Variants in PDZD2 observed in about 807,000 individuals in gnomAD.
PDZD2 encodes the protein PDZ domain-containing protein 2.
Under a neutral mutation model 220.7 loss-of-function variants are expected in PDZD2, and 90 were observed. That is an observed-to-expected ratio of 0.41 (90% CI 0.34 to 0.49). The LOEUF is 0.49. PDZD2 is among the 20% of genes least tolerant of loss of function. The pLI is 0.28. For synonymous variants in PDZD2, 1,375 were observed against 1,450.5 expected, an observed-to-expected ratio of 0.95 and a Z score of 1.18; for missense variants, 3,174 against 3,608.5, an observed-to-expected ratio of 0.88 and a Z score of 3.08.
Position 31,639,234 on chromosome 5 carries a change from G to C in PDZD2, c.-564G>C, listed in dbSNP as rs1166052756. Reference sequence around the variant, plus strand: ...CGCGGCGGGGCGGCGGCTGCAGGCAGCCGAGGAGCCGCAGGCCGAACCCAA... The same window carrying C: ...CGCGGCGGGGCGGCGGCTGCAGGCACCCGAGGAGCCGCAGGCCGAACCCAA... On this transcript the variant is annotated 5_prime_UTR_variant, in exon 1 of 25. Coordinates refer to ENST00000438447, the MANE Select transcript of PDZD2 (RefSeq NM_178140.4). This position sits in a 1 kb window ranked among gnomAD's most constrained non-coding sequence, Gnocchi z 4.1. Among the ~76,000 whole-genome samples the C allele has an allele frequency of 6.6e-6, 1 of 151,414 alleles. No individual in the cohort carries two copies. The highest frequency in any genetic ancestry group is 2.1e-4 in the South Asian group (1 of 4,832).
At chr5:31,900,716 GAGC>G (rs1742017581) in intron 2 of PDZD2, among the ~76,000 whole-genome samples, 2 of 152,094 alleles carry the variant, frequency 1.3e-5, no homozygotes, top group Non-Finnish European at 2.9e-5. Flanking sequence ...AAAAATATGC[GAGC>G]CTCCAGAAGT....
At chr5:32,051,974 C>T (rs909392878) in intron 8 of PDZD2, among the ~76,000 whole-genome samples, 6 of 152,298 alleles carry the variant, frequency 3.9e-5, no homozygotes, top group South Asian at 2.1e-4. Context: ...AGCCCGACCA[C>T]AGGTGGTCAT....
chr5:31,929,488 C>CT (rs1168116089), intron 2 of PDZD2, among the ~76,000 whole-genome samples: 1 of 152,226 alleles, frequency 6.6e-6, no homozygotes, highest in East Asian at 1.9e-4. Flanking sequence ...TGCTAAATGT[C>CT]TCCTGTGGGG....
chr5:32,090,279 A>G lies in PDZD2; in HGVS notation c.6831A>G (p.Ile2277Met), dbSNP rs192475272. The G allele has an allele frequency of 4.3e-5, 69 of 1,614,192 alleles. No homozygotes were observed. The East Asian group carries it at 1.5e-3, about 34-fold the overall frequency. ...GLPSLANGQGIYSVKPLLDTS... is the reference protein window; with the variant it reads ...GLPSLANGQGMYSVKPLLDTS... ...CCAGCCTGGCTAATGGACAGGGCAT[A>G]TATAGTGTAAAGCCGCTGCTGGACA... is the stretch of plus-strand genomic sequence containing the variant. Residue 2277 changes from isoleucine (I) to methionine (M), a missense_variant, in exon 20 of 25, where the codon ATA becomes ATG. Ile to Met is a conservative substitution (Grantham distance 10). Transcript: ENST00000438447. This position sits in a 1 kb window ranked among gnomAD's most constrained non-coding sequence, Gnocchi z 4.3.
intron 1 of PDZD2, among the ~76,000 whole-genome samples, chr5:31,732,977 C>A (rs1749624596): frequency 1.3e-5 from 2 of 152,326 alleles, no homozygotes; most frequent in South Asian, 4.1e-4. Flanking sequence ...GATGCGCCTG[C>A]CTCGGCCTCC....
intron 2 of PDZD2, among the ~76,000 whole-genome samples, chr5:31,896,248 T>C (rs1725072027): frequency 6.6e-6 from 1 of 152,046 alleles, no homozygotes; most frequent in Admixed American, 6.6e-5. Flanking sequence ...AGCTGGTTTC[T>C]TGGGGGTAAC....
At chr5:32,016,270 A>C (rs1753773126) in intron 6 of PDZD2, among the ~76,000 whole-genome samples, 1 of 152,190 alleles carries the variant, frequency 6.6e-6, no homozygotes, top group Non-Finnish European at 1.5e-5. Context: ...GTCCGCTCTA[A>C]ATGTTTCCAA....
chr5:31,759,135 G>A (rs574591981), intron 1 of PDZD2, among the ~76,000 whole-genome samples: 3 of 140,638 alleles, frequency 2.1e-5, no homozygotes, highest in African/African-American at 7.7e-5. Context: ...TCCCCTTGCC[G>A]TGCCCACCCC....
intron 2 of PDZD2, among the ~76,000 whole-genome samples, chr5:31,869,331 C>T (rs1055112154): frequency 2.6e-5 from 4 of 152,152 alleles, no homozygotes; most frequent in Non-Finnish European, 4.4e-5. Context: ...GTCCCTGTGA[C>T]GTGTGTTCAT....
intron 1 of PDZD2, among the ~76,000 whole-genome samples, chr5:31,693,547 A>G (rs1747237127): frequency 6.8e-6 from 1 of 146,144 alleles, no homozygotes; most frequent in Admixed American, 7.2e-5. Flanking sequence ...GCCGAAAAGC[A>G]CTTTTTTTTT....
At chr5:31,834,915 G>GAT (rs1000672642) in intron 2 of PDZD2, among the ~76,000 whole-genome samples, 7 of 135,558 alleles carry the variant, frequency 5.2e-5, no homozygotes, top group South Asian at 4.5e-4. Context: ...TATATAACTA[G>GAT]ATATATATAT....
At chr5:31,968,819 G>T (rs1338708778) in intron 2 of PDZD2, among the ~76,000 whole-genome samples, 1 of 151,836 alleles carries the variant, frequency 6.6e-6, no homozygotes, top group Non-Finnish European at 1.5e-5. Flanking sequence ...TCAGCCTCCG[G>T]AACTGTGAGA....
At chr5:31,952,509 G>A (rs985246976) in intron 2 of PDZD2, among the ~76,000 whole-genome samples, 2 of 152,056 alleles carry the variant, frequency 1.3e-5, no homozygotes, top group Non-Finnish European at 2.9e-5. Flanking sequence ...TTATTAATGG[G>A]GCCAACCTTA....
intron 1 of PDZD2, among the ~76,000 whole-genome samples, chr5:31,678,624 A>C (rs1056016685): frequency 6.6e-6 from 1 of 152,036 alleles, no homozygotes; most frequent in Non-Finnish European, 1.5e-5. Flanking sequence ...TAATTAATTT[A>C]TTTATTTATG....
intron 1 of PDZD2, among the ~76,000 whole-genome samples, chr5:31,794,930 G>A (rs1402925038): frequency 6.6e-6 from 1 of 152,148 alleles, no homozygotes; most frequent in Admixed American, 6.6e-5. Flanking sequence ...GTACATGACA[G>A]CCCGGTGTGA....
chr5:31,968,336 C>T (rs1208890803), intron 2 of PDZD2, among the ~76,000 whole-genome samples: 1 of 151,982 alleles, frequency 6.6e-6, no homozygotes. Flanking sequence ...CCAGCCTGGG[C>T]GACAGAGTGA....
intron 1 of PDZD2, among the ~76,000 whole-genome samples, chr5:31,771,755 G>T (rs1752350343): frequency 6.6e-6 from 1 of 152,166 alleles, no homozygotes; most frequent in African/African-American, 2.4e-5. Context: ...AGAGTGATTG[G>T]GTGTGGTTAG....
intron 2 of PDZD2, among the ~76,000 whole-genome samples, chr5:31,838,496 G>A (rs970742668): frequency 3.9e-5 from 6 of 152,280 alleles, no homozygotes; most frequent in African/African-American, 1.4e-4. Flanking sequence ...ATTAACCTTC[G>A]TTTTCTACTT....
chr5:31,737,316 G>A (rs748978911), intron 1 of PDZD2, among the ~76,000 whole-genome samples: 1 of 151,786 alleles, frequency 6.6e-6, no homozygotes, highest in Non-Finnish European at 1.5e-5. Flanking sequence ...GGGACTACAG[G>A]CGCCCACCAC....
Sources: gnomAD v4.1 joint callset for allele counts (sites outside exome capture counted in the v4.1 genomes callset) on GRCh38, gnomAD v4.1.1 for gene constraint, Gnocchi (gnomAD v3.1) non-coding constraint, MANE v1.5 for transcripts, NCBI Gene and HGNC (gene_info 2026-07-23, HGNC 2026-07-21) for gene names.